EDA: variants seen among roughly 807,000 people sequenced by gnomAD.
The protein encoded by EDA is ectodysplasin-A.
A neutral mutation model predicts 23.6 loss-of-function variants in EDA; 2 were observed. The ratio of observed to expected loss-of-function variants is 0.08; its 90% CI spans 0.03 to 0.27. The LOEUF is 0.27. EDA is among the 10% of genes least tolerant of loss of function. The probability of loss-of-function intolerance (pLI) is 1.00; values close to 1 mark genes in which losing one functional copy is unlikely to be tolerated. For synonymous variants in EDA, 131 were observed against 132.0 expected, an observed-to-expected ratio of 0.99 and a Z score of 0.05; for missense variants, 229 against 324.2, an observed-to-expected ratio of 0.71 and a Z score of 2.26.
intron 3 of EDA, among the ~76,000 whole-genome samples, chrX:70,023,478 CTTTTTTTTTT>C (rs754981946): frequency 3.0e-5 from 1 of 33,500 alleles, no homozygotes; most frequent in Non-Finnish European, 4.7e-5. Context: ...TCTTTTTATT[CTTTTTTTTTT>C]TTTTTTTTTT....
At chrX:69,679,931 C>A (rs1934268060) in intron 1 of EDA, among the ~76,000 whole-genome samples, 1 of 105,639 alleles carries the variant, frequency 9.5e-6, no homozygotes, top group Non-Finnish European at 1.9e-5. Flanking sequence ...AATTTTGGAT[C>A]TTTCCTGCTT....
intron 1 of EDA, among the ~76,000 whole-genome samples, chrX:69,919,362 A>T (rs1416759478): frequency 8.9e-6 from 1 of 112,142 alleles, no homozygotes; most frequent in Non-Finnish European, 1.9e-5. Flanking sequence ...TTTCAGGGAA[A>T]CTCAGAACCA....
intron 1 of EDA, among the ~76,000 whole-genome samples, chrX:69,939,593 A>G (rs1462961975): frequency 1.8e-5 from 2 of 111,470 alleles, no homozygotes; most frequent in East Asian, 2.8e-4. Flanking sequence ...CTCTCATCCA[A>G]TTGCTCTAGC....
At chrX:69,911,228 C>T (rs1288006023) in intron 1 of EDA, among the ~76,000 whole-genome samples, 1 of 111,899 alleles carries the variant, frequency 8.9e-6, no homozygotes, top group African/African-American at 3.2e-5. Context: ...CTGCCCTGCA[C>T]ATGTACAGTT....
intron 1 of EDA, among the ~76,000 whole-genome samples, chrX:69,816,300 T>TC (rs1327153763): frequency 9.0e-6 from 1 of 111,239 alleles, no homozygotes; most frequent in East Asian, 2.8e-4. Context: ...TCCAAATGAC[T>TC]CCAACACCTC....
intron 1 of EDA, among the ~76,000 whole-genome samples, chrX:69,654,131 G>T (rs1181044666): frequency 9.0e-6 from 1 of 111,623 alleles, no homozygotes; most frequent in Non-Finnish European, 1.9e-5. Context: ...CAAAAAGTGG[G>T]CAAAGGATAT....
At chrX:69,872,999 C>CA (rs908555204) in intron 1 of EDA, among the ~76,000 whole-genome samples, 16 of 109,768 alleles carry the variant, frequency 1.5e-4, no homozygotes, top group Non-Finnish European at 5.7e-5. Context: ...TATGATAGGC[C>CA]AAAAAAAACT....
intron 1 of EDA, among the ~76,000 whole-genome samples, chrX:69,856,863 CTTTAG>C (rs779126746): frequency 8.9e-6 from 1 of 111,785 alleles, no homozygotes; most frequent in East Asian, 2.8e-4. Flanking sequence ...TCCAAAAGCT[CTTTAG>C]TTTAATTAAG....
chrX:69,681,631 G>A (rs55902960), intron 1 of EDA, among the ~76,000 whole-genome samples: 16,076 of 109,925 alleles, frequency 0.15, 1,001 homozygotes, highest in Non-Finnish European at 0.19. Context: ...TGAGGCTTCT[G>A]CATTCTTCAC....
At chrX:69,758,848 A>G (rs1052110026) in intron 1 of EDA, among the ~76,000 whole-genome samples, 8 of 112,319 alleles carry the variant, frequency 7.1e-5, no homozygotes, top group African/African-American at 2.6e-4. Flanking sequence ...GAAAATAAAA[A>G]TAAAAAAGAC....
chrX:69,893,812 G>A (rs1220595660), intron 1 of EDA, among the ~76,000 whole-genome samples: 1 of 111,898 alleles, frequency 8.9e-6, no homozygotes, highest in Non-Finnish European at 1.9e-5. Context: ...TCAAATTCTG[G>A]CTCTGTTACT....
At chrX:69,700,023 C>T (rs2804323) in intron 1 of EDA, among the ~76,000 whole-genome samples, 36,867 of 109,568 alleles carry the variant, frequency 0.34, 5,240 homozygotes, top group Middle Eastern at 0.57. Flanking sequence ...TGTGAGCCGT[C>T]GGGTTTGCGG....
intron 1 of EDA, among the ~76,000 whole-genome samples, chrX:69,777,430 C>T (rs1265843487): frequency 9.0e-6 from 1 of 111,095 alleles, no homozygotes. Flanking sequence ...CGTAGTTTGT[C>T]ATTTGGGGGT....
At chrX:69,678,613 GCTCT>G (rs975654533) in intron 1 of EDA, among the ~76,000 whole-genome samples, 3 of 108,443 alleles carry the variant, frequency 2.8e-5, no homozygotes, top group African/African-American at 1.0e-4. Flanking sequence ...TCACGATTTG[GCTCT>G]CTGTTTGTCT....
chrX:69,654,957 A>G (rs1051424063), intron 1 of EDA, among the ~76,000 whole-genome samples: 7 of 110,490 alleles, frequency 6.3e-5, no homozygotes, highest in Non-Finnish European at 1.3e-4. Flanking sequence ...TAACAATACA[A>G]TTAAAAAAAA....
intron 1 of EDA, among the ~76,000 whole-genome samples, chrX:69,773,873 C>G (rs1020221308): frequency 6.3e-5 from 7 of 111,688 alleles, no homozygotes; most frequent in African/African-American, 2.3e-4. Flanking sequence ...CTGATAGTGT[C>G]CTTTGGTGAA....
At chrX:69,708,238 C>T (rs763977540) in intron 1 of EDA, among the ~76,000 whole-genome samples, 5 of 112,124 alleles carry the variant, frequency 4.5e-5, no homozygotes, top group Admixed American at 1.9e-4. Flanking sequence ...CATTTATGGA[C>T]GAAAAACTGA....
rs746437230 is a variant in EDA at position 70,033,483 on chromosome X, G to A, written c.879G>A (p.Leu293=). Residue 293 remains leucine, a synonymous_variant, in exon 7 of 8, where the codon CTG becomes CTA. Transcript: ENST00000374552. The part of the protein sequence containing the change: ...VFKLHPRSGE[L]EVLVDGTYFI... Reference sequence around the variant, plus strand: ...AGCTACATCCCCGCAGCGGGGAGCTGGAGGTACTGGTGGACGGCACCTACT... The same window carrying A: ...AGCTACATCCCCGCAGCGGGGAGCTAGAGGTACTGGTGGACGGCACCTACT... 4.1e-6 allele frequency: 5 copies of A among 1,211,543 alleles called. No homozygotes were observed. In the South Asian group the frequency reaches 8.8e-5, roughly 21 times the overall value.
In EDA at chrX:69,830,728, A is replaced by G. The variant is rs1241552025; in HGVS notation, c.397-126299A>G. Among the ~76,000 whole-genome samples the G allele has an allele frequency of 7.1e-5, 8 of 112,447 alleles. No individual in the cohort carries two copies. The East Asian group carries it at 2.0e-3, about 28-fold the overall frequency. ...AGCATTTGATATGAAATAAGCTTGC[A>G]GAAATGATTCAGTAGCTAACTGGAT... On this transcript the variant is annotated intron_variant, in intron 1 of 7. Transcript: ENST00000374552.
Sources: allele counts gnomAD v4.1 joint callset (sites outside exome capture counted in the v4.1 genomes callset), GRCh38; gene constraint gnomAD v4.1.1; transcripts MANE v1.5; gene names NCBI Gene and HGNC (gene_info 2026-07-23, HGNC 2026-07-21).